LEF1: variants seen among roughly 807,000 people sequenced by gnomAD.
LEF1 encodes lymphoid enhancer-binding factor 1.
In LEF1, 14 loss-of-function variants were observed where a neutral mutation model predicts 51.2. The observed-to-expected ratio is 0.27, with a 90% CI of 0.18 to 0.43. LEF1 has a LOEUF of 0.43. LEF1 is among the 20% of genes least tolerant of loss of function. The pLI is 1.00. For synonymous variants in LEF1, 185 were observed against 183.2 expected, an observed-to-expected ratio of 1.01 and a Z score of -0.08; for missense variants, 386 against 512.0, an observed-to-expected ratio of 0.75 and a Z score of 2.37.
intron 3 of LEF1, among the ~76,000 whole-genome samples, chr4:108,098,560 G>C (rs1411686531): frequency 1.3e-5 from 2 of 152,128 alleles, no homozygotes; most frequent in African/African-American, 4.8e-5. Flanking sequence ...TTTAGTTTAA[G>C]TAAAACTGAT....
At chr4:108,166,177 C>A in intron 1 of LEF1, 1 of 1,325,746 alleles carries the variant, frequency 7.5e-7, no homozygotes, top group South Asian at 1.6e-5. Context: ...GCACCCTACC[C>A]CCGCCCCCAG....
intron 3 of LEF1, among the ~76,000 whole-genome samples, chr4:108,121,807 A>G (rs1742195116): frequency 6.6e-6 from 1 of 152,200 alleles, no homozygotes; most frequent in African/African-American, 2.4e-5. Context: ...TTGCTGGTAT[A>G]ACTACTTAAT....
intron 3 of LEF1, among the ~76,000 whole-genome samples, chr4:108,125,804 G>A (rs956237): frequency 0.45 from 68,907 of 151,672 alleles, 17,488 homozygotes; most frequent in Middle Eastern, 0.69. Flanking sequence ...AAGTACAGCA[G>A]TGTGACTGTG....
chr4:108,059,263 G>A (rs17038518), intron 11 of LEF1, among the ~76,000 whole-genome samples: 13,004 of 152,244 alleles, frequency 0.085, 710 homozygotes, highest in African/African-American at 0.15. Context: ...CGGCCACTGC[G>A]CTGGCGCTGC....
At chr4:108,061,146 A>G (rs1187574784) in intron 11 of LEF1, among the ~76,000 whole-genome samples, 2 of 152,210 alleles carry the variant, frequency 1.3e-5, no homozygotes, top group East Asian at 1.9e-4. Context: ...GGGCAACACC[A>G]GAGACTCTGA....
chr4:108,134,928 G>C (rs1183881381), intron 3 of LEF1, among the ~76,000 whole-genome samples: 1 of 152,086 alleles, frequency 6.6e-6, no homozygotes, highest in Non-Finnish European at 1.5e-5. Flanking sequence ...ACTTTAAAAG[G>C]GATACAGATG....
chr4:108,145,090 G>C (rs1344631194), intron 3 of LEF1, among the ~76,000 whole-genome samples: 1 of 152,158 alleles, frequency 6.6e-6, no homozygotes, highest in South Asian at 2.1e-4. Context: ...CCACTGGGGT[G>C]CAGCAGGAAG....
intron 3 of LEF1, among the ~76,000 whole-genome samples, chr4:108,094,780 T>C (rs1031061493): frequency 2.6e-5 from 4 of 152,206 alleles, no homozygotes; most frequent in African/African-American, 9.6e-5. Flanking sequence ...TTTTAACACT[T>C]CATCAACTTA....
intron 8 of LEF1, among the ~76,000 whole-genome samples, chr4:108,076,764 T>C (rs1052234858): frequency 2.0e-5 from 3 of 152,144 alleles, no homozygotes; most frequent in Admixed American, 6.5e-5. Context: ...GTTTAAAGAA[T>C]GATAATGGGG....
intron 3 of LEF1, among the ~76,000 whole-genome samples, chr4:108,134,713 A>G (rs1743143153): frequency 1.3e-5 from 2 of 152,362 alleles, no homozygotes; most frequent in Admixed American, 1.3e-4. Flanking sequence ...ACTCTGCTCT[A>G]TGAAGTAGGA....
Position 108,168,715 on chromosome 4 carries a change from G to A in LEF1, c.-948C>T, listed in dbSNP as rs1455207024. On this transcript the variant is annotated 5_prime_UTR_variant, in exon 1 of 12. Transcript: ENST00000265165. The surrounding 1 kb of genome is among the most constrained non-coding windows in gnomAD (Gnocchi z 4.6). ...CGGCTCGAGTTTCTCAGCCTGGCTCGCCGGCTCGCCGCTCTGCACGCCTCC... is the reference window on the plus strand; with the variant it reads ...CGGCTCGAGTTTCTCAGCCTGGCTCACCGGCTCGCCGCTCTGCACGCCTCC... 2 of 152,304 alleles carry A rather than the reference G, an allele frequency of 1.3e-5. No homozygotes were observed. The highest frequency in any genetic ancestry group is 1.9e-4 in the East Asian group (1 of 5,140). The allele number at this position is 152,304 out of a possible 1,614,324, so 9.4% of individuals were successfully genotyped here. A position where few individuals can be genotyped will look rare whatever the true frequency, so the allele number is the denominator to read the frequency against.
At chr4:108,067,899 T>C (rs1738186992) in intron 9 of LEF1, among the ~76,000 whole-genome samples, 1 of 152,046 alleles carries the variant, frequency 6.6e-6, no homozygotes, top group Admixed American at 6.6e-5. Context: ...AGGAGCTCTA[T>C]ATAGAGATGG....
At chr4:108,063,092 G>C (rs563411833) in intron 11 of LEF1, among the ~76,000 whole-genome samples, 15 of 152,188 alleles carry the variant, frequency 9.9e-5, no homozygotes, top group African/African-American at 2.9e-4. Context: ...TTAAATAAGT[G>C]CCCATGCCAT....
At chr4:108,083,268 T>C (rs891020426) in intron 5 of LEF1, 88 bp downstream of exon 5, 6 of 898,242 alleles carry the variant, frequency 6.7e-6, no homozygotes, top group Middle Eastern at 2.1e-4. Context: ...TCCACAAGTG[T>C]TACCATTCAT....
chr4:108,055,971 T>C lies in LEF1; in HGVS notation c.*7-7220A>G, dbSNP rs537345656. Among the ~76,000 whole-genome samples, 14 of 152,336 alleles carry C rather than the reference T, an allele frequency of 9.2e-5. No homozygotes were observed. The South Asian group carries it at 2.5e-3, about 27-fold the overall frequency. ...CAACTATCAGCTTCCTAGTGAGCTATAGCGGACATCTGTCGGGCTGCTGTC... is the reference window on the plus strand; with the variant it reads ...CAACTATCAGCTTCCTAGTGAGCTACAGCGGACATCTGTCGGGCTGCTGTC... On this transcript the variant is annotated intron_variant, in intron 11 of 11. Coordinates refer to ENST00000265165, the MANE Select transcript of LEF1 (RefSeq NM_016269.5).
chr4:108,070,804 G>T, intron 8 of LEF1, 34 bp from the exon 9 acceptor site: 1 of 1,426,012 alleles, frequency 7.0e-7, no homozygotes, highest in Non-Finnish European at 9.8e-7. Context: ...AAAAACAAAA[G>T]TAAGCAAAAT....
chr4:108,143,497 G>A (rs1008139701), intron 3 of LEF1, among the ~76,000 whole-genome samples: 9 of 152,038 alleles, frequency 5.9e-5, no homozygotes, highest in African/African-American at 1.9e-4. Flanking sequence ...ATATCCCAAG[G>A]CCCCCTTCTA....
Position 108,136,827 on chromosome 4 carries a change from A to G in LEF1, c.414+26741T>C, listed in dbSNP as rs796524379. ...CAAAATATCCAAGGGTAAAAAGGGA[A>G]ATAACTTCCAATAATTTTTATGAAA... On this transcript the variant is annotated intron_variant, in intron 3 of 11. Coordinates refer to ENST00000265165, the MANE Select transcript of LEF1 (RefSeq NM_016269.5). Among the ~76,000 whole-genome samples, 7 of 152,312 alleles carry G rather than the reference A, an allele frequency of 4.6e-5. 1 individual carries two copies. The highest frequency in any genetic ancestry group is 1.4e-4 in the African/African-American group (6 of 41,574).
chr4:108,078,000 C>T (rs1472719073), intron 8 of LEF1, among the ~76,000 whole-genome samples: 2 of 151,694 alleles, frequency 1.3e-5, no homozygotes, highest in Non-Finnish European at 3.0e-5. Context: ...ATGATCATAC[C>T]ACTGTACTCC....
Sources: allele counts gnomAD v4.1 joint callset (sites outside exome capture counted in the v4.1 genomes callset), GRCh38; gene constraint gnomAD v4.1.1; non-coding constraint Gnocchi (gnomAD v3.1); transcripts MANE v1.5; gene names NCBI Gene and HGNC (gene_info 2026-07-23, HGNC 2026-07-21).